SIPA1L3: variants seen among roughly 807,000 people sequenced by gnomAD.
SIPA1L3 encodes the protein signal-induced proliferation-associated 1-like protein 3.
In SIPA1L3, 59 loss-of-function variants were observed where a neutral mutation model predicts 150.1. That is an observed-to-expected ratio of 0.39 (90% CI 0.32 to 0.49). The LOEUF is 0.49. Among genes scored for constraint, SIPA1L3 ranks in the 20% least tolerant of loss-of-function variants. SIPA1L3 has a pLI of 0.86. For missense variants in SIPA1L3, 2,211 were observed against 2,489.5 expected, an observed-to-expected ratio of 0.89 and a Z score of 2.38; for synonymous variants, 1,070 against 1,077.6, an observed-to-expected ratio of 0.99 and a Z score of 0.14.
chr19:38,183,608 C>T (rs1286525109), intron 16 of SIPA1L3, among the ~76,000 whole-genome samples: 2 of 152,104 alleles, frequency 1.3e-5, no homozygotes, highest in Non-Finnish European at 2.9e-5. Context: ...TGAGGGGGGC[C>T]CTTGAGTAAG....
intron 4 of SIPA1L3, among the ~76,000 whole-genome samples, chr19:38,092,033 C>T (rs1215221736): frequency 2.1e-5 from 3 of 145,842 alleles, no homozygotes; most frequent in Non-Finnish European, 4.5e-5. Context: ...CATTGCACTC[C>T]AGGCTGGGTG....
intron 1 of SIPA1L3, among the ~76,000 whole-genome samples, chr19:37,938,655 C>A (rs376128084): frequency 1.5e-5 from 2 of 131,188 alleles, no homozygotes; most frequent in South Asian, 2.5e-4. Context: ...TGGAGTTTTA[C>A]TCTTGTCACC....
intron 1 of SIPA1L3, chr19:37,907,786 T>C (rs1284993010): frequency 1.3e-5 from 2 of 152,224 alleles, no homozygotes; most frequent in South Asian, 2.1e-4. Context: ...AAAAATGAGG[T>C]GAAGATGTTA....
chr19:37,985,977 C>A (rs1414016107), intron 1 of SIPA1L3, among the ~76,000 whole-genome samples: 1 of 152,222 alleles, frequency 6.6e-6, no homozygotes, highest in African/African-American at 2.4e-5. Context: ...AAAGCGGTGG[C>A]GCTTTGTGCC....
rs34053188 is a variant in SIPA1L3 at position 38,128,046 on chromosome 19, C to CTTT, written c.2869-2426_2869-2424dup. Among the ~76,000 whole-genome samples, 49 of 66,576 alleles carry CTTT rather than the reference C, an allele frequency of 7.4e-4. 4 individuals carry two copies. The highest frequency in any genetic ancestry group is 3.5e-3 in the South Asian group (5 of 1,422). 43.7% of individuals were successfully genotyped at this position (66,576 alleles called of 152,430 possible). ...AGAGGTGAACAAGTTCCTTGGGCCT[C>CTTT]TTTTTTTTTTTTTTTTTTTTTTTTT... On this transcript the variant is annotated intron_variant, in intron 9 of 21. Coordinates refer to ENST00000222345, the MANE Select transcript of SIPA1L3 (RefSeq NM_015073.3).
intron 1 of SIPA1L3, among the ~76,000 whole-genome samples, chr19:37,968,208 G>T (rs1002672496): frequency 6.6e-6 from 1 of 152,118 alleles, no homozygotes; most frequent in African/African-American, 2.4e-5. Flanking sequence ...GAGTAGCGGG[G>T]ATTACAGGCA....
intron 16 of SIPA1L3, among the ~76,000 whole-genome samples, chr19:38,191,774 G>T (rs1168129305): frequency 6.6e-6 from 1 of 152,018 alleles, no homozygotes. Context: ...TCACACCACT[G>T]CACTCCAGCC....
intron 1 of SIPA1L3, among the ~76,000 whole-genome samples, chr19:37,993,558 AC>A (rs2145640143): frequency 6.6e-6 from 1 of 152,162 alleles, no homozygotes; most frequent in South Asian, 2.1e-4. Flanking sequence ...TTATTATTAA[AC>A]CATCCTAGAA....
intron 15 of SIPA1L3, among the ~76,000 whole-genome samples, chr19:38,168,543 A>G (rs766574322): frequency 6.6e-6 from 1 of 152,170 alleles, no homozygotes; most frequent in Non-Finnish European, 1.5e-5. Context: ...TGAAGCCAAG[A>G]GAGTCTATAC....
chr19:38,064,938 C>G (rs1175402914), intron 2 of SIPA1L3, among the ~76,000 whole-genome samples: 1 of 152,230 alleles, frequency 6.6e-6, no homozygotes, highest in African/African-American at 2.4e-5. Context: ...TCTATCCACT[C>G]TGCTGCAGCC....
intron 1 of SIPA1L3, among the ~76,000 whole-genome samples, chr19:37,941,458 T>TTG (rs74580396): frequency 0.046 from 6,800 of 149,128 alleles, 192 homozygotes; most frequent in East Asian, 0.097. Flanking sequence ...GTGTGTTTTT[T>TTG]TTTTTTTTTT....
chr19:38,189,138 CTTT>C (rs769692248), intron 16 of SIPA1L3, among the ~76,000 whole-genome samples: 10 of 137,682 alleles, frequency 7.3e-5, no homozygotes, highest in Admixed American at 7.4e-5. Flanking sequence ...CTCTTCAAGT[CTTT>C]TTTTTTTTTT....
At chr19:37,939,276 C>G (rs1173573485) in intron 1 of SIPA1L3, among the ~76,000 whole-genome samples, 1 of 151,914 alleles carries the variant, frequency 6.6e-6, no homozygotes, top group Non-Finnish European at 1.5e-5. Context: ...TGGCACACAC[C>G]TGTAATCCCA....
intron 1 of SIPA1L3, among the ~76,000 whole-genome samples, chr19:37,978,186 G>T (rs1195221450): frequency 2.6e-5 from 4 of 152,040 alleles, no homozygotes; most frequent in Non-Finnish European, 1.5e-5. Flanking sequence ...TGCAGACGTG[G>T]CTCCAGGATG....
intron 1 of SIPA1L3, among the ~76,000 whole-genome samples, chr19:38,004,914 C>G (rs1352457491): frequency 6.6e-6 from 1 of 152,194 alleles, no homozygotes; most frequent in Non-Finnish European, 1.5e-5. Flanking sequence ...GGACAGGAAG[C>G]CTGGCCATCA....
chr19:38,162,075 G>A (rs1276118525), intron 13 of SIPA1L3, among the ~76,000 whole-genome samples, 178 bp from the exon 14 acceptor site: 2 of 152,288 alleles, frequency 1.3e-5, no homozygotes, highest in East Asian at 1.9e-4. Context: ...CCCTCAGAAC[G>A]GTGTCTGGCA....
At chr19:37,957,791 C>T (rs1270913425) in intron 1 of SIPA1L3, among the ~76,000 whole-genome samples, 2 of 152,136 alleles carry the variant, frequency 1.3e-5, no homozygotes, top group Non-Finnish European at 2.9e-5. Context: ...CAGCTCACTG[C>T]AGCCTCGACT....
In SIPA1L3 at chr19:38,152,860, C is replaced by T; in HGVS notation, c.3554C>T (p.Pro1185Leu). 6.2e-7 allele frequency: 1 copy of T among 1,612,896 alleles called. No homozygotes were observed. The highest frequency in any genetic ancestry group is 1.1e-5 in the South Asian group (1 of 90,696). Residue 1185 changes from proline (P) to leucine (L), a missense_variant, in exon 13 of 22, where the codon CCC becomes CTC. Physicochemically the swap from Pro to Leu is moderately conservative, Grantham distance 98. This residue lies in a region of SIPA1L3 where 806 missense variants were observed against 870.1 expected (regional missense o/e 0.93). Coordinates refer to ENST00000222345, the MANE Select transcript of SIPA1L3 (RefSeq NM_015073.3). ...TGCAGGTACACGGCTGCCCCACACC[C>T]CCTGCTATCTCTTGATCCCCACTTC... ...SPERYTAAPH[P>L]LLSLDPHFSH...
chr19:38,051,715 GC>G (rs1409515674), intron 2 of SIPA1L3, among the ~76,000 whole-genome samples: 1 of 152,044 alleles, frequency 6.6e-6, no homozygotes, highest in African/African-American at 2.4e-5. Flanking sequence ...TCCCACCTCA[GC>G]CTCCTGAGTA....
Sources: allele counts gnomAD v4.1 joint callset (sites outside exome capture counted in the v4.1 genomes callset), GRCh38; gene constraint gnomAD v4.1.1; regional missense constraint gnomAD v4.1.1; transcripts MANE v1.5; gene names NCBI Gene and HGNC (gene_info 2026-07-23, HGNC 2026-07-21).